Variants in ALX4 observed in about 807,000 individuals in gnomAD.
ALX4 encodes homeobox protein aristaless-like 4.
ALX4 carries 22 observed loss-of-function variants against 40.6 expected under a neutral mutation model. The ratio of observed to expected loss-of-function variants is 0.54; its 90% confidence interval spans 0.39 to 0.77. The LOEUF (loss-of-function observed/expected upper bound fraction) is 0.77, where lower values mean the gene tolerates loss of function less well. Among genes scored for constraint, ALX4 ranks in the 30% least tolerant of loss-of-function variants. The pLI is 0.00. For missense variants in ALX4, 556 were observed against 564.8 expected (o/e 0.98, Z 0.16); for synonymous variants, 266 against 240.5 (o/e 1.11, Z -0.98).
At chr11:44,279,479 T>G (rs921866376) in intron 1 of ALX4, among the ~76,000 whole-genome samples, 8 of 151,922 alleles carry the variant, frequency 5.3e-5, no homozygotes, top group Non-Finnish European at 1.0e-4. Flanking sequence ...CTGGCTGGAG[T>G]GTCAGCATGG....
At position 44,267,541 on chromosome 11, in the gene ALX4, TGGA is replaced by T. The variant is rs1956220632; in HGVS notation, c.856_858del (p.Ser286del). 1 of 1,614,090 alleles carries T rather than the reference TGGA, an allele frequency of 6.2e-7. No homozygotes were observed. Among genetic ancestry groups the T allele is most frequent in the Non-Finnish European group, 8.5e-7 (1 of 1,180,012 alleles). On this transcript the variant is annotated inframe_deletion, in exon 3 of 4. Coordinates refer to ENST00000652299, the MANE Select transcript of ALX4 (RefSeq NM_021926.4). ...GTGAGGAGGGGCAGCTCATATGCAG[TGGA>T]GAAGTGGGTTCGAACCTGCTGCATC...
intron 2 of ALX4, among the ~76,000 whole-genome samples, chr11:44,268,137 T>G (rs1203365884): frequency 1.3e-5 from 2 of 152,140 alleles, no homozygotes; most frequent in African/African-American, 4.8e-5. Flanking sequence ...GGAGACAGTC[T>G]CCCAGCTCAG....
At chr11:44,298,152 T>C (rs780364520) in intron 1 of ALX4, among the ~76,000 whole-genome samples, 1 of 152,246 alleles carries the variant, frequency 6.6e-6, no homozygotes, top group Non-Finnish European at 1.5e-5. Flanking sequence ...CACTCCTCCA[T>C]GCATTCCTTC....
At chr11:44,287,284 C>T (rs923781664) in intron 1 of ALX4, among the ~76,000 whole-genome samples, 3 of 151,722 alleles carry the variant, frequency 2.0e-5, no homozygotes, top group Non-Finnish European at 4.4e-5. Context: ...GCTGGGCTCT[C>T]GCAAAAACAA....
At chr11:44,273,987 A>C (rs1310882329) in intron 2 of ALX4, among the ~76,000 whole-genome samples, 2 of 151,962 alleles carry the variant, frequency 1.3e-5, no homozygotes, top group Non-Finnish European at 2.9e-5. Flanking sequence ...CCAAAAGATA[A>C]AATGGGCCCA....
At chr11:44,268,480 C>T (rs145849567) in intron 2 of ALX4, among the ~76,000 whole-genome samples, 137 of 152,256 alleles carry the variant, frequency 9.0e-4, no homozygotes, top group African/African-American at 3.2e-3. Flanking sequence ...GAGGCCAACC[C>T]GTCACTGAGC....
chr11:44,283,854 G>A (rs187440420), intron 1 of ALX4, among the ~76,000 whole-genome samples: 3 of 152,058 alleles, frequency 2.0e-5, no homozygotes, highest in African/African-American at 2.4e-5. Context: ...ATGGACCACC[G>A]CGCCAATATT....
At chr11:44,309,005 C>T (rs1416422461) in intron 1 of ALX4, among the ~76,000 whole-genome samples, 1 of 152,250 alleles carries the variant, frequency 6.6e-6, no homozygotes, top group Non-Finnish European at 1.5e-5. Context: ...CACTGTGTTG[C>T]GCCAGTGCGC....
intron 1 of ALX4, among the ~76,000 whole-genome samples, chr11:44,282,972 G>C (rs1429650554): frequency 6.6e-6 from 1 of 152,202 alleles, no homozygotes; most frequent in Non-Finnish European, 1.5e-5. Flanking sequence ...AGCTGGGCGT[G>C]GTGGCTTGCG....
At chr11:44,275,993 G>C (rs969935839) in intron 1 of ALX4, among the ~76,000 whole-genome samples, 3 of 152,208 alleles carry the variant, frequency 2.0e-5, no homozygotes, top group African/African-American at 7.2e-5. Flanking sequence ...TCTCTCTAGA[G>C]GGATTCCCTG....
At position 44,274,520 on chromosome 11, in the gene ALX4, T is replaced by C. The variant is rs566955749; in HGVS notation, c.777+828A>G. Among the ~76,000 whole-genome samples, 7 of 152,228 alleles carry C rather than the reference T, an allele frequency of 4.6e-5. No homozygotes were observed. The East Asian group carries it at 9.7e-4, about 21-fold the overall frequency. On this transcript the variant is annotated intron_variant, in intron 2 of 3. Transcript: ENST00000652299. ...TTGTGTTGTGTTAGGTTGAGTTCCA[T>C]TGGAATGTGTTATATTGGGTTGTGT...
intron 1 of ALX4, among the ~76,000 whole-genome samples, chr11:44,298,364 C>G (rs1414860727): frequency 2.6e-5 from 4 of 152,142 alleles, no homozygotes; most frequent in East Asian, 3.9e-4. Flanking sequence ...CTGCTGGGAA[C>G]CCGGGTGAGG....
intron 1 of ALX4, among the ~76,000 whole-genome samples, chr11:44,283,247 CAA>C (rs35704210): frequency 0.01 from 1,017 of 100,136 alleles, 3 homozygotes; most frequent in African/African-American, 0.017. Context: ...AACTCCATCT[CAA>C]AAAAAAAAAA....
intron 1 of ALX4, among the ~76,000 whole-genome samples, chr11:44,287,087 G>A (rs576867545): frequency 6.6e-6 from 1 of 152,176 alleles, no homozygotes; most frequent in African/African-American, 2.4e-5. Context: ...CAGCTTCCCC[G>A]TGGGTTCTTC....
chr11:44,272,892 T>A (rs777674445), intron 2 of ALX4, among the ~76,000 whole-genome samples: 10 of 152,354 alleles, frequency 6.6e-5, no homozygotes, highest in East Asian at 1.9e-4. Context: ...TCAGCATCAC[T>A]TCTGGTAGCT....
At chr11:44,303,651 C>T (rs1956448435) in intron 1 of ALX4, among the ~76,000 whole-genome samples, 1 of 152,202 alleles carries the variant, frequency 6.6e-6, no homozygotes, top group Non-Finnish European at 1.5e-5. Flanking sequence ...TTCCTCGGCG[C>T]TGGCTGGTGC....
intron 1 of ALX4, among the ~76,000 whole-genome samples, chr11:44,286,274 C>G (rs1956338178): frequency 6.6e-6 from 1 of 152,212 alleles, no homozygotes; most frequent in Non-Finnish European, 1.5e-5. Flanking sequence ...CTGGACAAAC[C>G]TCTTGCCTTC....
rs376388666 is a variant in ALX4 at position 44,297,603 on chromosome 11, C to A, written c.466+11994G>T. ...CGTGGTGACGAGCCTGTAGTCCCAG[C>A]TACTTGGGAGGCTGAGGTGGGAGGA... On this transcript the variant is annotated intron_variant, in intron 1 of 3. Coordinates refer to ENST00000652299, the MANE Select transcript of ALX4 (RefSeq NM_021926.4). 1.1e-4 allele frequency among the ~76,000 whole-genome samples: 16 copies of A among 152,224 alleles called. No homozygotes were observed. In the South Asian group the frequency reaches 1.7e-3, roughly 16 times the overall value.
At chr11:44,269,170 C>T (rs180909628) in intron 2 of ALX4, among the ~76,000 whole-genome samples, 2 of 152,362 alleles carry the variant, frequency 1.3e-5, no homozygotes, top group Non-Finnish European at 2.9e-5. Flanking sequence ...ACAGACGCTG[C>T]CTGGCCTCTT....
Sources: allele counts gnomAD v4.1 joint callset (sites outside exome capture counted in the v4.1 genomes callset), GRCh38; gene constraint gnomAD v4.1.1; transcripts MANE v1.5; gene names NCBI Gene and HGNC (gene_info 2026-07-23, HGNC 2026-07-21).